GSG1: variants seen among roughly 807,000 people sequenced by gnomAD.
The protein encoded by GSG1 is germ cell associated 1, also known as germ cell-specific gene 1 protein.
In GSG1, 28 loss-of-function variants were observed where a neutral mutation model predicts 30.8. The observed-to-expected ratio is 0.91, with a 90% CI of 0.67 to 1.25. The LOEUF (loss-of-function observed/expected upper bound fraction) is 1.25. GSG1 is among the 50% of genes most tolerant of loss of function. The pLI is 0.00. For missense variants in GSG1, 435 were observed against 444.7 expected (o/e 0.98, Z 0.20); for synonymous variants, 162 against 178.0 (o/e 0.91, Z 0.71).
chr12:13,095,212 C>T (rs2120874304), intron 1 of GSG1, among the ~76,000 whole-genome samples: 2 of 152,298 alleles, frequency 1.3e-5, no homozygotes, highest in Non-Finnish European at 2.9e-5. Flanking sequence ...CATGCCTTTT[C>T]CTGCTAGGGT....
chr12:13,091,443 G>A (rs76876366), intron 1 of GSG1, among the ~76,000 whole-genome samples: 11,958 of 152,332 alleles, frequency 0.078, 558 homozygotes, highest in South Asian at 0.13. Context: ...GCTCATGCCT[G>A]TAATCCTAGC....
At chr12:13,094,520 G>A (rs188824525) in intron 1 of GSG1, among the ~76,000 whole-genome samples, 17 of 152,162 alleles carry the variant, frequency 1.1e-4, no homozygotes, top group Non-Finnish European at 1.8e-4. Flanking sequence ...CTGAAGTCGC[G>A]TGTTGCCCAG....
chr12:13,087,200 C>G lies in GSG1; in HGVS notation c.698G>C (p.Gly233Ala). The change falls in exon 6 of 7, where the codon GGT (glycine) becomes GCT (alanine). Residue 233 changes from glycine to alanine, a missense_variant. By Grantham distance (60) the Gly-to-Ala change is moderately conservative (BLOSUM62 0). Transcript: ENST00000651961. Reference sequence around the variant, plus strand: ...AACATGTGGTCTCCAGTCTTCTGGACCCAAGTTGACAGTCGCTTGGAAGAC... The same window carrying G: ...AACATGTGGTCTCCAGTCTTCTGGAGCCAAGTTGACAGTCGCTTGGAAGAC... ...SQVFQATVNLGPEDWRPHVWN... is the reference protein window; with the variant it reads ...SQVFQATVNLAPEDWRPHVWN... 1 of 1,614,064 alleles carries G rather than the reference C, an allele frequency of 6.2e-7. No individual in the cohort carries two copies. Among genetic ancestry groups the G allele is most frequent in the South Asian group, 1.1e-5 (1 of 91,080 alleles).
chr12:13,099,802 C>A (rs891301972), intron 1 of GSG1, among the ~76,000 whole-genome samples: 1 of 124,148 alleles, frequency 8.1e-6, no homozygotes, highest in African/African-American at 3.0e-5. Context: ...CTGGCATCTT[C>A]CTGGAAAGGT....
intron 5 of GSG1, 61 bp from the exon 6 acceptor site, chr12:13,087,324 G>A (rs890983955): frequency 1.5e-6 from 2 of 1,300,328 alleles, no homozygotes; most frequent in African/African-American, 2.9e-5. Context: ...TCTGCCAGGA[G>A]TACGATTTTG....
intron 1 of GSG1, among the ~76,000 whole-genome samples, chr12:13,096,548 T>G (rs1490744350): frequency 6.6e-6 from 1 of 151,996 alleles, no homozygotes; most frequent in East Asian, 1.9e-4. Context: ...GTGAGAATGT[T>G]GGCTGGGGAT....
Position 13,089,140 on chromosome 12 carries a change from A to G in GSG1, c.433+68T>C. ...ATGCAGAAGATGTTTCCATGAGAGC[A>G]CCTACATAGCTTAGTGTTCCCATTT... is the stretch of plus-strand genomic sequence containing the variant. On this transcript the variant is annotated intron_variant, in intron 3 of 6. Transcript: ENST00000651961. The G allele has an allele frequency of 6.2e-6, 9 of 1,456,498 alleles. No individual in the cohort carries two copies. The South Asian group carries it at 1.1e-4, about 18-fold the overall frequency. The allele number at this position is 1,456,498 out of a possible 1,614,324, so 90.2% of individuals were successfully genotyped here.
chr12:13,102,146 G>A (rs1447060373), intron 1 of GSG1, among the ~76,000 whole-genome samples: 2 of 152,138 alleles, frequency 1.3e-5, no homozygotes, highest in South Asian at 2.1e-4. Context: ...GATTCGGAGG[G>A]TTTGACTTGC....
intron 1 of GSG1, among the ~76,000 whole-genome samples, chr12:13,099,750 G>GTATTT (rs1863021307): frequency 1.7e-5 from 2 of 114,834 alleles, no homozygotes; most frequent in South Asian, 6.0e-4. Flanking sequence ...GTTTTTTTTT[G>GTATTT]TTTTTTTTTT....
At chr12:13,092,298 CA>C (rs975580535) in intron 1 of GSG1, among the ~76,000 whole-genome samples, 10 of 152,138 alleles carry the variant, frequency 6.6e-5, no homozygotes, top group Non-Finnish European at 4.4e-5. Context: ...CAACAAACAG[CA>C]GGGGGATCTT....
Position 13,085,105 on chromosome 12 carries a change from A to T in GSG1, c.885T>A (p.His295Gln). The change falls in exon 7 of 7, where the codon CAT (histidine) becomes CAA (glutamine). Residue 295 changes from histidine (H) to glutamine (Q), a missense_variant. Transcript: ENST00000651961. ...KENPNCLPHH[H>Q]QCFPRRLSSA... ...TTGACAGCCGCCGAGGGAAACACTG[A>T]TGGTGATGTGGTAGGCAGTTCGGGT... 1.9e-6 allele frequency: 3 copies of T among 1,614,094 alleles called. No homozygotes were observed. Among genetic ancestry groups the T allele is most frequent in the Non-Finnish European group, 2.5e-6 (3 of 1,180,012 alleles).
Position 13,103,599 on chromosome 12 carries a change from G to T in GSG1, c.-87C>A. The T allele has an allele frequency of 7.1e-7, 1 of 1,399,710 alleles. No individual in the cohort carries two copies. The highest frequency in any genetic ancestry group is 1.0e-6 in the Non-Finnish European group (1 of 989,012). 86.7% of individuals were successfully genotyped at this position (1,399,710 alleles called of 1,614,324 possible). The stretch of plus-strand genomic sequence containing the variant: ...TGGGTAGAATGAGTGTTTAGCGTGA[G>T]GATGAATCAGGTCCCCTCTTGCCAG... On this transcript the variant is annotated 5_prime_UTR_variant, in exon 1 of 7. Coordinates refer to ENST00000651961, the MANE Select transcript of GSG1 (RefSeq NM_001080555.4).
At position 13,093,858 on chromosome 12, in the gene GSG1, A is replaced by T. The variant is rs551477450; in HGVS notation, c.49-3040T>A. Among the ~76,000 whole-genome samples, 17 of 152,210 alleles carry T rather than the reference A, an allele frequency of 1.1e-4. No homozygotes were observed. The highest frequency in any genetic ancestry group is 2.2e-4 in the Non-Finnish European group (15 of 68,040). ...CCTAAGAGAAGAGGAGGCAAGCTAA[A>T]ATATGACTGGTATTAGACGGCCAAC... On this transcript the variant is annotated intron_variant, in intron 1 of 6. Transcript: ENST00000651961. The surrounding 1 kb of genome is among the most constrained non-coding windows in gnomAD (Gnocchi z 4.6).
At chr12:13,090,959 G>A in intron 1 of GSG1, 141 bp from the exon 2 acceptor site, 1 of 703,034 alleles carries the variant, frequency 1.4e-6, no homozygotes. Flanking sequence ...ACCCGCCTCT[G>A]ACATTTTTCT....
Position 13,084,722 on chromosome 12 carries a change from G to A in GSG1, c.*179C>T. The A allele has an allele frequency of 1.9e-6, 1 of 521,422 alleles. No individual in the cohort carries two copies. The highest frequency in any genetic ancestry group is 3.4e-6 in the Non-Finnish European group (1 of 292,270). The allele number at this position is 521,422 out of a possible 1,614,324, so 32.3% of individuals were successfully genotyped here. On this transcript the variant is annotated 3_prime_UTR_variant, in exon 7 of 7. Transcript: ENST00000651961. The stretch of plus-strand genomic sequence containing the variant: ...GGGTGAAACAAGATGGAGCTGTAGA[G>A]GAAAAGAGAGCAGTGGCACCCAGGA...
chr12:13,095,544 G>A (rs960126767), intron 1 of GSG1: 26 of 1,540,304 alleles, frequency 1.7e-5, no homozygotes, highest in Non-Finnish European at 2.3e-5. Context: ...AAAGAGCCAG[G>A]TACAAAATAG....
chr12:13,085,106 T>C lies in GSG1; in HGVS notation c.884A>G (p.His295Arg). 1 of 1,614,060 alleles carries C rather than the reference T, an allele frequency of 6.2e-7. No homozygotes were observed. Among genetic ancestry groups the C allele is most frequent in the Non-Finnish European group, 8.5e-7 (1 of 1,179,990 alleles). Residue 295 changes from histidine to arginine, a missense_variant, in exon 7 of 7, where the codon CAT becomes CGT. Transcript: ENST00000651961. Reference sequence around the variant, plus strand: ...TGACAGCCGCCGAGGGAAACACTGATGGTGATGTGGTAGGCAGTTCGGGTT... The same window carrying C: ...TGACAGCCGCCGAGGGAAACACTGACGGTGATGTGGTAGGCAGTTCGGGTT... ...KENPNCLPHH[H>R]QCFPRRLSSA...
In GSG1 at chr12:13,089,279, A is replaced by G. The variant is rs1373097161; in HGVS notation, c.365-3T>C. ...CCAGGACTGGGGATGGAGCAGTGCT[A>G]AGTGGCACAATAATAAATATAAATG... On this transcript the variant is annotated splice_region_variant and splice_polypyrimidine_tract_variant and intron_variant, in intron 2 of 6. Transcript: ENST00000651961. 1.3e-6 allele frequency: 2 copies of G among 1,553,332 alleles called. No individual in the cohort carries two copies. Among genetic ancestry groups the G allele is most frequent in the East Asian group, 2.4e-5 (1 of 41,134 alleles).
intron 6 of GSG1, among the ~76,000 whole-genome samples, chr12:13,086,333 C>T (rs565949778): frequency 2.6e-5 from 4 of 152,248 alleles, no homozygotes; most frequent in Middle Eastern, 3.4e-3. Context: ...AAATTATTAG[C>T]GCAGATTGTA....
Sources: gnomAD v4.1 joint callset for allele counts (sites outside exome capture counted in the v4.1 genomes callset) on GRCh38, gnomAD v4.1.1 for gene constraint, Gnocchi (gnomAD v3.1) non-coding constraint, MANE v1.5 for transcripts, NCBI Gene and HGNC (gene_info 2026-07-23, HGNC 2026-07-21) for gene names.